Variants in SCAF4 observed in about 807,000 individuals in gnomAD.
SCAF4 encodes SR-related CTD associated factor 4, also known as SR-related and CTD-associated factor 4.
In SCAF4, 25 loss-of-function variants were observed where a neutral mutation model predicts 129.8. The ratio of observed to expected loss-of-function variants is 0.19; its 90% CI spans 0.14 to 0.27. The LOEUF is 0.27. SCAF4 is among the 10% of genes least tolerant of loss of function. The probability of loss-of-function intolerance (pLI) is 1.00; values close to 1 mark genes in which losing one functional copy is unlikely to be tolerated. For synonymous variants in SCAF4, 551 were observed against 497.7 expected, an observed-to-expected ratio of 1.11 and a Z score of -1.43; for missense variants, 1,246 against 1,457.1, an observed-to-expected ratio of 0.86 and a Z score of 2.36.
Position 31,694,794 on chromosome 21 carries a change from T to C in SCAF4, c.1236+19A>G, listed in dbSNP as rs748817481. ...AAGGCAACAAAAAAAGATAAAACTA[T>C]CTGAGAATAAAGTTTTACCTGCTGA... On this transcript the variant is annotated intron_variant, in intron 10 of 19. Coordinates refer to ENST00000286835, the MANE Select transcript of SCAF4 (RefSeq NM_020706.2). The C allele has an allele frequency of 3.7e-6, 6 of 1,611,896 alleles. No individual in the cohort carries two copies. The highest frequency in any genetic ancestry group is 5.1e-6 in the Non-Finnish European group (6 of 1,178,224).
intron 14 of SCAF4, among the ~76,000 whole-genome samples, chr21:31,691,479 A>G (rs1225388636): frequency 1.3e-5 from 2 of 152,190 alleles, no homozygotes; most frequent in African/African-American, 4.8e-5. Flanking sequence ...AAGATGGCAA[A>G]CTTTAAAAAT....
chr21:31,681,094 C>T (rs1243933931), intron 19 of SCAF4, among the ~76,000 whole-genome samples: 1 of 152,228 alleles, frequency 6.6e-6, no homozygotes, highest in Admixed American at 6.5e-5. Context: ...CAACTTGTTA[C>T]TCTTGCTTTA....
rs1367380733 is a variant in SCAF4 at position 31,671,364 on chromosome 21, A to T, written c.*35T>A. On this transcript the variant is annotated 3_prime_UTR_variant, in exon 20 of 20. Coordinates refer to ENST00000286835, the MANE Select transcript of SCAF4 (RefSeq NM_020706.2). ...TACACCTCAAGCTCTACACTCCAGG[A>T]AGTGTCACTGTCACATTTTCACAAA... 4.4e-6 allele frequency: 7 copies of T among 1,596,200 alleles called. No individual in the cohort carries two copies. The highest frequency in any genetic ancestry group is 8.5e-7 in the Non-Finnish European group (1 of 1,171,284).
intron 19 of SCAF4, among the ~76,000 whole-genome samples, chr21:31,679,792 G>T (rs1412395441): frequency 2.0e-5 from 3 of 152,040 alleles, no homozygotes; most frequent in African/African-American, 4.8e-5. Context: ...TAAATGCTTG[G>T]TTTTTTCAAA....
chr21:31,719,307 CAAAA>C (rs2051014893), intron 1 of SCAF4, among the ~76,000 whole-genome samples: 1 of 151,460 alleles, frequency 6.6e-6, no homozygotes, highest in Admixed American at 6.6e-5. Flanking sequence ...AAACAAAAAA[CAAAA>C]AACAAAAAAA....
At chr21:31,686,657 C>A (rs966921719) in intron 16 of SCAF4, among the ~76,000 whole-genome samples, 2 of 152,052 alleles carry the variant, frequency 1.3e-5, no homozygotes, top group Non-Finnish European at 2.9e-5. Context: ...CAGTCTATGG[C>A]CTGTTAGGAA....
At chr21:31,726,069 A>G (rs1297288654) in intron 1 of SCAF4, among the ~76,000 whole-genome samples, 5 of 149,598 alleles carry the variant, frequency 3.3e-5, no homozygotes, top group African/African-American at 1.2e-4. Context: ...TTTTTGAGAT[A>G]GAGTCTCGCT....
At chr21:31,692,084 C>T in intron 13 of SCAF4, 154 bp from the exon 14 acceptor site, 3 of 586,174 alleles carry the variant, frequency 5.1e-6, no homozygotes, top group Non-Finnish European at 9.0e-6. Context: ...CAAGTTTGGT[C>T]TCAACTGAGT....
At chr21:31,726,866 A>C (rs1407237300) in intron 1 of SCAF4, among the ~76,000 whole-genome samples, 1 of 152,186 alleles carries the variant, frequency 6.6e-6, no homozygotes, top group Non-Finnish European at 1.5e-5. Flanking sequence ...TGCTGGTGCC[A>C]CTACACTCCA....
At chr21:31,695,502 T>C (rs935163484) in intron 9 of SCAF4, among the ~76,000 whole-genome samples, 5 of 152,202 alleles carry the variant, frequency 3.3e-5, no homozygotes, top group South Asian at 4.1e-4. Flanking sequence ...TGCATGTCAG[T>C]TTAAACACAA....
chr21:31,722,595 A>G (rs1232877794), intron 1 of SCAF4, among the ~76,000 whole-genome samples: 3 of 152,244 alleles, frequency 2.0e-5, no homozygotes, highest in Non-Finnish European at 4.4e-5. Flanking sequence ...CAAATATAAT[A>G]GACATTTACA....
intron 19 of SCAF4, among the ~76,000 whole-genome samples, chr21:31,680,986 G>A (rs1249754288): frequency 6.6e-6 from 1 of 152,140 alleles, no homozygotes; most frequent in Non-Finnish European, 1.5e-5. Flanking sequence ...AATTTCCTGA[G>A]GTGTCCAAAT....
intron 1 of SCAF4, among the ~76,000 whole-genome samples, chr21:31,715,707 T>C (rs2050906109): frequency 1.3e-5 from 2 of 152,334 alleles, no homozygotes; most frequent in African/African-American, 4.8e-5. Flanking sequence ...TGGTATGCTT[T>C]CCTCCAAGTC....
chr21:31,694,311 T>C (rs1421347632), intron 10 of SCAF4, 22 bp from the exon 11 acceptor site: 1 of 1,437,162 alleles, frequency 7.0e-7, no homozygotes, highest in Non-Finnish European at 9.7e-7. Flanking sequence ...AAAACCATGA[T>C]AAAATGAGAA....
chr21:31,728,572 A>T (rs1164477857), intron 1 of SCAF4, among the ~76,000 whole-genome samples: 1 of 152,132 alleles, frequency 6.6e-6, no homozygotes, highest in African/African-American at 2.4e-5. Context: ...TATTTATTAT[A>T]ATTTCTTGGA....
chr21:31,684,813 A>T, intron 19 of SCAF4: 1 of 517,492 alleles, frequency 1.9e-6, no homozygotes, highest in Non-Finnish European at 3.5e-6. Context: ...AGACAGACAA[A>T]CATGATTTTG....
chr21:31,701,252 T>A, intron 6 of SCAF4, 81 bp from the exon 7 acceptor site: 1 of 1,285,958 alleles, frequency 7.8e-7, no homozygotes, highest in Non-Finnish European at 1.1e-6. Flanking sequence ...AAAAATGTCT[T>A]AAAGGTGATT....
At chr21:31,702,487 T>C in intron 4 of SCAF4, 108 bp from the exon 5 acceptor site, 1 of 959,706 alleles carries the variant, frequency 1.0e-6, no homozygotes, top group South Asian at 1.7e-5. Context: ...ATTTCCATAC[T>C]ATGTGTGTTT....
At chr21:31,687,682 T>C (rs1423161633) in intron 16 of SCAF4, among the ~76,000 whole-genome samples, 1 of 149,512 alleles carries the variant, frequency 6.7e-6, no homozygotes, top group Admixed American at 6.6e-5. Context: ...TGGGTACATA[T>C]CCAAGTTTCT....
Sources: gnomAD v4.1 joint callset for allele counts (sites outside exome capture counted in the v4.1 genomes callset) on GRCh38, gnomAD v4.1.1 for gene constraint, MANE v1.5 for transcripts, NCBI Gene and HGNC (gene_info 2026-07-23, HGNC 2026-07-21) for gene names.